Variants in SCN7A observed in about 807,000 individuals in gnomAD.
SCN7A encodes sodium channel protein type 7 subunit alpha.
Under a neutral mutation model 155.2 loss-of-function variants are expected in SCN7A, and 138 were observed. That is an observed-to-expected ratio of 0.89 (90% confidence interval 0.77 to 1.02). The LOEUF (loss-of-function observed/expected upper bound fraction) is 1.02. Ranked by LOEUF, SCN7A falls within the 50% of genes least tolerant of loss-of-function variation. The probability of loss-of-function intolerance (pLI) is 0.00; values close to 1 mark genes in which losing one functional copy is unlikely to be tolerated. For synonymous variants in SCN7A, 693 were observed against 649.0 expected (o/e 1.07, Z -1.03); for missense variants, 2,058 against 1,986.6 (o/e 1.04, Z -0.68).
chr2:166,479,602 CAT>C (rs1211504448), intron 2 of SCN7A, among the ~76,000 whole-genome samples: 2 of 152,102 alleles, frequency 1.3e-5, no homozygotes, highest in Admixed American at 6.6e-5. Context: ...TAAGAATACA[CAT>C]AGACTAAAAA....
intron 20 of SCN7A, among the ~76,000 whole-genome samples, chr2:166,418,559 T>G (rs1701441761): frequency 6.6e-6 from 1 of 152,048 alleles, no homozygotes; most frequent in Non-Finnish European, 1.5e-5. Context: ...TACTAATCCT[T>G]TTGCCTGCAT....
intron 15 of SCN7A, among the ~76,000 whole-genome samples, chr2:166,439,818 A>T (rs550993052): frequency 2.0e-5 from 3 of 152,218 alleles, no homozygotes; most frequent in Non-Finnish European, 4.4e-5. Flanking sequence ...GAAGATAGAG[A>T]AGTACACTAA....
intron 6 of SCN7A, among the ~76,000 whole-genome samples, chr2:166,471,962 ATTCT>A (rs1463825650): frequency 6.6e-6 from 1 of 151,882 alleles, no homozygotes; most frequent in Non-Finnish European, 1.5e-5. Context: ...CACTCCTTTC[ATTCT>A]TTTTTTATTA....
intron 22 of SCN7A, 69 bp downstream of exon 22, chr2:166,412,999 C>T: frequency 9.3e-7 from 1 of 1,072,424 alleles, no homozygotes; most frequent in Non-Finnish European, 1.4e-6. Context: ...TACTGGTGTC[C>T]TGTGCTCGAA....
intron 16 of SCN7A, among the ~76,000 whole-genome samples, chr2:166,430,477 A>G (rs1701711251): frequency 6.6e-6 from 1 of 151,918 alleles, no homozygotes; most frequent in African/African-American, 2.4e-5. Context: ...TTTGACAGTA[A>G]TTAAAATTAT....
At chr2:166,480,830 G>A (rs1702909391) in intron 2 of SCN7A, among the ~76,000 whole-genome samples, 1 of 152,020 alleles carries the variant, frequency 6.6e-6, no homozygotes, top group Admixed American at 6.5e-5. Flanking sequence ...GGTTGCTCAG[G>A]GACTTTTTTC....
intron 7 of SCN7A, among the ~76,000 whole-genome samples, chr2:166,466,594 A>G (rs893000259): frequency 1.3e-5 from 2 of 152,114 alleles, no homozygotes; most frequent in African/African-American, 4.8e-5. Context: ...AAAACAAGAA[A>G]AAACAAAAAT....
intron 11 of SCN7A, among the ~76,000 whole-genome samples, chr2:166,452,359 C>T (rs1365934415): frequency 6.7e-6 from 1 of 149,484 alleles, no homozygotes; most frequent in Non-Finnish European, 1.5e-5. Context: ...TATACTGTAT[C>T]TGGTATTTTG....
intron 2 of SCN7A, among the ~76,000 whole-genome samples, chr2:166,484,137 T>G (rs1702992390): frequency 6.6e-6 from 1 of 151,960 alleles, no homozygotes; most frequent in Admixed American, 6.6e-5. Context: ...GATAATGGGT[T>G]CTCACAGTGA....
In SCN7A at chr2:166,404,499, C is replaced by G. The variant is rs534120022; in HGVS notation, c.*1081G>C. 3 of 151,714 alleles carry G rather than the reference C, an allele frequency of 2.0e-5. No individual in the cohort carries two copies. The highest frequency in any genetic ancestry group is 4.4e-5 in the Non-Finnish European group (3 of 67,850). 9.4% of individuals were successfully genotyped at this position (151,714 alleles called of 1,614,324 possible). A position where few individuals can be genotyped will look rare whatever the true frequency, so the allele number is the denominator to read the frequency against. On this transcript the variant is annotated 3_prime_UTR_variant, in exon 26 of 26. Coordinates refer to ENST00000643258, the MANE Select transcript of SCN7A (RefSeq NM_002976.4). Reference sequence around the variant, plus strand: ...AACTTTTATCTCCTAATTCATAGTTCTCATAGTTTGAGTGACCATTGTCTC... The same window carrying G: ...AACTTTTATCTCCTAATTCATAGTTGTCATAGTTTGAGTGACCATTGTCTC...
chr2:166,434,232 G>A (rs142100507), intron 15 of SCN7A, among the ~76,000 whole-genome samples: 6 of 152,132 alleles, frequency 3.9e-5, no homozygotes, highest in South Asian at 2.1e-4. Context: ...TCTCTATCTA[G>A]ATCTTCCTAT....
intron 4 of SCN7A, 114 bp downstream of exon 4, chr2:166,474,112 C>A (rs1486459490): frequency 3.6e-6 from 2 of 551,896 alleles, no homozygotes; most frequent in Non-Finnish European, 6.2e-6. Context: ...CAATATGACC[C>A]AACATGAGAT....
intron 21 of SCN7A, among the ~76,000 whole-genome samples, chr2:166,413,981 G>GTATCTATATATATATATATATATATATA (rs1553513527): frequency 1.9e-5 from 1 of 53,526 alleles, no homozygotes; most frequent in African/African-American, 7.4e-5. Flanking sequence ...ATGTGTATGT[G>GTATCTATATATATATATATATATATATA]TATATATATA....
At chr2:166,447,982 T>G (rs572642058) in intron 11 of SCN7A, among the ~76,000 whole-genome samples, 17 of 152,328 alleles carry the variant, frequency 1.1e-4, no homozygotes, top group Admixed American at 2.0e-4. Context: ...ATTCCTCTCC[T>G]ACAGCTATTT....
intron 6 of SCN7A, among the ~76,000 whole-genome samples, chr2:166,471,015 G>A (rs1702643741): frequency 6.6e-6 from 1 of 151,784 alleles, no homozygotes; most frequent in Non-Finnish European, 1.5e-5. Context: ...TGAAAAGATA[G>A]TTACAATGAA....
intron 20 of SCN7A, among the ~76,000 whole-genome samples, chr2:166,419,182 G>T (rs558271684): frequency 6.6e-6 from 1 of 151,872 alleles, no homozygotes. Context: ...AAAAGAACTG[G>T]TATTATCCCG....
intron 16 of SCN7A, among the ~76,000 whole-genome samples, chr2:166,430,538 C>T (rs960098046): frequency 6.6e-6 from 1 of 151,716 alleles, no homozygotes; most frequent in East Asian, 1.9e-4. Flanking sequence ...TGTACATATC[C>T]TATTTGATGT....
rs1559081254 is a variant in SCN7A, at chr2:166,404,756, TGTTA to T, written c.*820_*823del. ...AAGGTAAAGCTTGAGTCTATTAACA[TGTTA>T]TTTATTACATCATTTTAGTAAATGT... is the stretch of plus-strand genomic sequence containing the variant. On this transcript the variant is annotated 3_prime_UTR_variant, in exon 26 of 26. Coordinates refer to ENST00000643258, the MANE Select transcript of SCN7A (RefSeq NM_002976.4). 2 of 149,898 alleles carry T rather than the reference TGTTA, an allele frequency of 1.3e-5. No homozygotes were observed. Among genetic ancestry groups the T allele is most frequent in the African/African-American group, 4.9e-5 (2 of 40,690 alleles). 9.3% of individuals were successfully genotyped at this position (149,898 alleles called of 1,614,324 possible).
In SCN7A at chr2:166,406,146, C is replaced by T; in HGVS notation, c.4483G>A (p.Val1495Ile). The change falls in exon 26 of 26, where the codon GTC becomes ATC. Residue 1495 changes from valine to isoleucine, a missense_variant. Coordinates refer to ENST00000643258, the MANE Select transcript of SCN7A (RefSeq NM_002976.4). Reference sequence around the variant, plus strand: ...GAAGCAATATTTAAAAACTCCATGACAACAACAATGTACATATTTACAATG... The same window carrying T: ...GAAGCAATATTTAAAAACTCCATGATAACAACAATGTACATATTTACAATG... The part of the protein sequence containing the change: ...LIIVNMYIVV[V>I]MEFLNIASKK... 1 of 1,611,936 alleles carries T rather than the reference C, an allele frequency of 6.2e-7. No individual in the cohort carries two copies. The highest frequency in any genetic ancestry group is 1.3e-5 in the African/African-American group (1 of 74,864).
Sources: allele counts gnomAD v4.1 joint callset (sites outside exome capture counted in the v4.1 genomes callset), GRCh38; gene constraint gnomAD v4.1.1; transcripts MANE v1.5; gene names NCBI Gene and HGNC (gene_info 2026-07-23, HGNC 2026-07-21).